GSAP: variants seen among roughly 807,000 people sequenced by gnomAD.
The protein encoded by GSAP is gamma-secretase-activating protein.
In GSAP, 118 loss-of-function variants were observed where a neutral mutation model predicts 131.7. The observed-to-expected ratio is 0.90, with a 90% CI of 0.77 to 1.04. The LOEUF (loss-of-function observed/expected upper bound fraction) is 1.04, where lower values mean the gene tolerates loss of function less well. GSAP is among the 50% of genes least tolerant of loss of function. GSAP has a pLI of 0.00. For missense variants in GSAP, 1,019 were observed against 1,013.2 expected (o/e 1.01, Z -0.08); for synonymous variants, 381 against 363.4 (o/e 1.05, Z -0.55).
chr7:77,386,976 C>T (rs1282897653), intron 6 of GSAP, among the ~76,000 whole-genome samples: 2 of 152,316 alleles, frequency 1.3e-5, no homozygotes, highest in East Asian at 3.9e-4. Flanking sequence ...ATGCCACCTA[C>T]ATTATACATG....
chr7:77,363,727 T>C (rs75692199), intron 12 of GSAP, among the ~76,000 whole-genome samples: 2,000 of 152,346 alleles, frequency 0.013, 17 homozygotes, highest in Non-Finnish European at 0.018. Flanking sequence ...GTACATTTTA[T>C]TGCAATTATC....
chr7:77,383,318 TCACACA>T (rs10539947), intron 6 of GSAP, among the ~76,000 whole-genome samples: 5 of 150,306 alleles, frequency 3.3e-5, no homozygotes, highest in Admixed American at 6.6e-5. Context: ...ATGTTCTATT[TCACACA>T]CACACACACA....
At position 77,320,674 on chromosome 7, in the gene GSAP, TGAA is replaced by T. The variant is rs568650012; in HGVS notation, c.2089+48_2089+50del. 1,084 of 1,048,008 alleles carry T rather than the reference TGAA, an allele frequency of 1.0e-3. 8 individuals carry two copies. In the African/African-American group the frequency reaches 0.015, roughly 14 times the overall value. 64.9% of individuals were successfully genotyped at this position (1,048,008 alleles called of 1,614,324 possible). ...AATGTACCAAAGGCAAGGGCCCATA[TGAA>T]GAAGAAATAAATTTATTATACCAAA... On this transcript the variant is annotated intron_variant, in intron 26 of 30. Transcript: ENST00000257626.
chr7:77,387,293 C>T (rs1798715313), intron 6 of GSAP, 67 bp downstream of exon 6: 2 of 831,426 alleles, frequency 2.4e-6, no homozygotes, highest in African/African-American at 1.7e-5. Flanking sequence ...ACTTTGTAAA[C>T]CCCAATTCTT....
In GSAP at chr7:77,375,090, G is replaced by C. The variant is rs201891455; in HGVS notation, c.753C>G (p.Pro251=). ...DESYNLMFEV[P]LDISLSNSGF... is the part of the protein sequence containing the mutation. ...CTGAGTTGCTTAATGATATGTCCAA[G>C]GGTACTTCAAACTGTCAAAAAAATC... Residue 251 remains proline, a synonymous_variant, in exon 11 of 31, where the codon CCC becomes CCG. Transcript: ENST00000257626. 6.4e-7 allele frequency: 1 copy of C among 1,561,598 alleles called. No individual in the cohort carries two copies. Among genetic ancestry groups the C allele is most frequent in the Admixed American group, 1.7e-5 (1 of 57,354 alleles).
intron 13 of GSAP, among the ~76,000 whole-genome samples, chr7:77,361,667 TA>T (rs1380545572): frequency 6.6e-6 from 1 of 152,190 alleles, no homozygotes; most frequent in African/African-American, 2.4e-5. Context: ...TAAAAAAATT[TA>T]AATACACCCA....
intron 5 of GSAP, among the ~76,000 whole-genome samples, chr7:77,390,946 TAAAAAAAA>T (rs71085453): frequency 0.097 from 3,672 of 37,952 alleles, 182 homozygotes; most frequent in Middle Eastern, 0.2. Context: ...AGACTCCGTC[TAAAAAAAA>T]AAAAAAAAAA....
At chr7:77,318,438 A>C (rs896938866) in intron 26 of GSAP, among the ~76,000 whole-genome samples, 2 of 152,244 alleles carry the variant, frequency 1.3e-5, no homozygotes, top group Non-Finnish European at 2.9e-5. Flanking sequence ...AAAATGAAGC[A>C]ATGAACAAAT....
intron 19 of GSAP, among the ~76,000 whole-genome samples, chr7:77,345,730 G>C (rs1388190134): frequency 6.6e-6 from 1 of 151,926 alleles, no homozygotes. Flanking sequence ...TGTAATTTTT[G>C]ACTACCCACC....
At chr7:77,405,950 A>C (rs903602909) in intron 2 of GSAP, 79 bp downstream of exon 2, 2 of 551,242 alleles carry the variant, frequency 3.6e-6, no homozygotes, top group Non-Finnish European at 5.6e-6. Context: ...ACAGTATAGA[A>C]TTCTGTAAAA....
intron 19 of GSAP, among the ~76,000 whole-genome samples, chr7:77,348,647 C>T (rs549308865): frequency 1.3e-5 from 2 of 152,322 alleles, no homozygotes; most frequent in South Asian, 4.1e-4. Context: ...CCAAAAACAA[C>T]AAAGGAGCTT....
intron 2 of GSAP, among the ~76,000 whole-genome samples, chr7:77,405,439 C>G (rs1307711290): frequency 1.1e-4 from 16 of 152,126 alleles, no homozygotes; most frequent in Admixed American, 1.0e-3. Flanking sequence ...CATTTTTTGT[C>G]TAGAAAATGA....
Position 77,330,374 on chromosome 7 carries a change from G to A in GSAP, c.1546-7C>T, listed in dbSNP as rs201953296. The stretch of plus-strand genomic sequence containing the variant: ...AGCCCTTAAAGCTGAGCACCTGTAG[G>A]AGACAAAAACATCAGTGGCCTTCAG... On this transcript the variant is annotated splice_region_variant and splice_polypyrimidine_tract_variant and intron_variant, in intron 19 of 30. Coordinates refer to ENST00000257626, the MANE Select transcript of GSAP (RefSeq NM_017439.4). 201 of 1,612,274 alleles carry A rather than the reference G, an allele frequency of 1.2e-4. No individual in the cohort carries two copies. Among genetic ancestry groups the A allele is most frequent in the Middle Eastern group, 4.9e-4 (3 of 6,072 alleles).
rs906383817 is a variant in GSAP at position 77,389,248 on chromosome 7, G to GTA, written c.368-1802_368-1801dup. Among the ~76,000 whole-genome samples, 23 of 150,786 alleles carry GTA rather than the reference G, an allele frequency of 1.5e-4. No homozygotes were observed. In the East Asian group the frequency reaches 2.7e-3, roughly 18 times the overall value. On this transcript the variant is annotated intron_variant, in intron 5 of 30. Transcript: ENST00000257626. Reference sequence around the variant, plus strand: ...TGCGTGTGTGTATGTATGTGTGTGTGTATATATATATATTTTTTTGACCTA... The same window carrying GTA: ...TGCGTGTGTGTATGTATGTGTGTGTGTATATATATATATATTTTTTTGACCTA...
intron 26 of GSAP, among the ~76,000 whole-genome samples, chr7:77,319,252 T>G (rs1787284252): frequency 6.6e-6 from 1 of 152,156 alleles, no homozygotes; most frequent in Non-Finnish European, 1.5e-5. Context: ...GAATAGACAT[T>G]TCTCCAAAGA....
Position 77,353,626 on chromosome 7 carries a change from A to G in GSAP, c.1354T>C (p.Ser452Pro). The G allele has an allele frequency of 6.2e-7, 1 of 1,607,800 alleles. No individual in the cohort carries two copies. The highest frequency in any genetic ancestry group is 1.1e-5 in the South Asian group (1 of 90,830). Reference protein sequence around the residue: ...FLEAQIIQWISENVSACHSFD... With the variant: ...FLEAQIIQWIPENVSACHSFD... ...GAATGGCAGGCAGAGACATTCTCAG[A>G]AATCCACTGAATAATCTTTAAAAAG... The change falls in exon 17 of 31, where the codon TCT becomes CCT. Residue 452 changes from serine (S) to proline (P), a missense_variant. By Grantham distance (74) the Ser-to-Pro change is moderately conservative. Coordinates refer to ENST00000257626, the MANE Select transcript of GSAP (RefSeq NM_017439.4).
chr7:77,376,927 G>A lies in GSAP; in HGVS notation c.682-20C>T, dbSNP rs1274435277. 1.5e-6 allele frequency: 2 copies of A among 1,307,786 alleles called. No individual in the cohort carries two copies. The highest frequency in any genetic ancestry group is 1.3e-5 in the South Asian group (1 of 75,320). 81.0% of individuals were successfully genotyped at this position (1,307,786 alleles called of 1,614,324 possible). A position where few individuals can be genotyped will look rare whatever the true frequency, so the allele number is the denominator to read the frequency against. On this transcript the variant is annotated intron_variant, in intron 9 of 30. Transcript: ENST00000257626. ...TGATTTCTAAAAGAGAAAACAGAAT[G>A]GCATATTAAAAAACCAGGAAAAAAA...
At chr7:77,355,786 C>CTTTTTTTTT (rs1404240959) in intron 14 of GSAP, 139 bp from the exon 15 acceptor site, 55 of 305,266 alleles carry the variant, frequency 1.8e-4, no homozygotes, top group African/African-American at 3.0e-4. Context: ...AATGACAGCC[C>CTTTTTTTTT]GTTTTTTTTT....
Position 77,390,946 on chromosome 7 carries a change from T to TAAAAAAAA in GSAP, c.368-3506_368-3499dup, listed in dbSNP as rs71085453. 5.3e-4 allele frequency among the ~76,000 whole-genome samples: 20 copies of TAAAAAAAA among 37,944 alleles called. 4 individuals carry two copies. The highest frequency in any genetic ancestry group is 7.5e-4 in the Non-Finnish European group (14 of 18,636). 24.9% of individuals were successfully genotyped at this position (37,944 alleles called of 152,430 possible). A position where few individuals can be genotyped will look rare whatever the true frequency, so the allele number is the denominator to read the frequency against. On this transcript the variant is annotated intron_variant, in intron 5 of 30. Coordinates refer to ENST00000257626, the MANE Select transcript of GSAP (RefSeq NM_017439.4). The stretch of plus-strand genomic sequence containing the variant: ...CCTGGTGACAGAGCGAGACTCCGTC[T>TAAAAAAAA]AAAAAAAAAAAAAAAAAAAAAAAAA...
Sources: gnomAD v4.1 joint callset for allele counts (sites outside exome capture counted in the v4.1 genomes callset) on GRCh38, gnomAD v4.1.1 for gene constraint, MANE v1.5 for transcripts, NCBI Gene and HGNC (gene_info 2026-07-23, HGNC 2026-07-21) for gene names.